The following CSF3R variants were observed in gnomAD, a reference collection of about 807,000 sequenced individuals.
CSF3R encodes granulocyte colony-stimulating factor receptor.
In CSF3R, 52 loss-of-function variants were observed where a neutral mutation model predicts 84.4. The observed-to-expected ratio is 0.62, with a 90% CI of 0.49 to 0.78. CSF3R has a LOEUF of 0.78. Among genes scored for constraint, CSF3R ranks in the 30% least tolerant of loss-of-function variants. The pLI is 0.00. For synonymous variants in CSF3R, 384 were observed against 429.1 expected (o/e 0.89, Z 1.30); for missense variants, 890 against 1,055.7 (o/e 0.84, Z 2.17).
At chr1:36,475,781 C>T in intron 3 of CSF3R, 108 bp from the exon 4 acceptor site, 1 of 1,131,358 alleles carries the variant, frequency 8.8e-7, no homozygotes, top group South Asian at 1.6e-5. Flanking sequence ...TCCTGTCTCA[C>T]CCTTCAAGAT....
chr1:36,468,202 C>A lies in CSF3R; in HGVS notation c.1596G>T (p.Glu532Asp). The A allele has an allele frequency of 6.3e-7, 1 of 1,598,608 alleles. No individual in the cohort carries two copies. Among genetic ancestry groups the A allele is most frequent in the South Asian group, 1.1e-5 (1 of 88,650 alleles). ...SQEMAPSHAP[E>D]LHLKHIGKTW... ...TCTTGCCAATGTGCTTTAGATGCAG[C>A]TCTGGGGCATGGGAGGGAGCTATGG... is the stretch of plus-strand genomic sequence containing the variant. The change falls in exon 13 of 17, where the codon GAG (glutamate) becomes GAT (aspartate). Residue 532 changes from glutamate to aspartate, a missense_variant. Glu to Asp is a conservative substitution (Grantham distance 45). Transcript: ENST00000373106.
chr1:36,472,761 C>T lies in CSF3R; in HGVS notation c.674-75G>A, dbSNP rs1557594097. 1.4e-6 allele frequency: 2 copies of T among 1,443,002 alleles called. No individual in the cohort carries two copies. The highest frequency in any genetic ancestry group is 1.8e-6 in the Non-Finnish European group (2 of 1,089,088). The allele number at this position is 1,443,002 out of a possible 1,614,324, so 89.4% of individuals were successfully genotyped here. A position where few individuals can be genotyped will look rare whatever the true frequency, so the allele number is the denominator to read the frequency against. ...CTCTGCCTTAGCTCCCTCTTGTCTCCCTGTCTGTGGTTCACCATCTGTCCA... is the reference window on the plus strand; with the variant it reads ...CTCTGCCTTAGCTCCCTCTTGTCTCTCTGTCTGTGGTTCACCATCTGTCCA... On this transcript the variant is annotated intron_variant, in intron 6 of 16. Transcript: ENST00000373106. The surrounding 1 kb of genome is among the most constrained non-coding windows in gnomAD (Gnocchi z 5.0).
At chr1:36,473,363 C>T in intron 6 of CSF3R, 72 bp downstream of exon 6, 2 of 1,552,792 alleles carry the variant, frequency 1.3e-6, no homozygotes, top group Non-Finnish European at 8.8e-7. Flanking sequence ...GTCGCTAGTT[C>T]TGTGTTTCCC....
chr1:36,470,052 G>A (rs1291784897), intron 10 of CSF3R, among the ~76,000 whole-genome samples: 1 of 152,162 alleles, frequency 6.6e-6, no homozygotes, highest in African/African-American at 2.4e-5. Flanking sequence ...ATGACTTGAT[G>A]CACGAAACAA....
chr1:36,472,485 C>T lies in CSF3R; in HGVS notation c.843+32G>A, dbSNP rs747559547. On this transcript the variant is annotated intron_variant, in intron 7 of 16. Coordinates refer to ENST00000373106, the MANE Select transcript of CSF3R (RefSeq NM_000760.4). This position sits in a 1 kb window ranked among gnomAD's most constrained non-coding sequence, Gnocchi z 5.0. ...CTTACCCTGCCCCCTGCCCCCACCA[C>T]CTCAGGCTCTCCAGGTTGCCCTCTG... The T allele has an allele frequency of 1.9e-6, 3 of 1,614,120 alleles. No homozygotes were observed. The highest frequency in any genetic ancestry group is 1.1e-5 in the South Asian group (1 of 91,078).
At position 36,471,648 on chromosome 1, in the gene CSF3R, T is replaced by C; in HGVS notation, c.1072-2A>G. 1 of 1,614,056 alleles carries C rather than the reference T, an allele frequency of 6.2e-7. No homozygotes were observed. Among genetic ancestry groups the C allele is most frequent in the East Asian group, 2.2e-5 (1 of 44,884 alleles). Reference sequence around the variant, plus strand: ...GCTGTCTTCCTCCAGGGGCACTGGCTGTGGGGCACAGGAGGAAAAAGAGAA... The same window carrying C: ...GCTGTCTTCCTCCAGGGGCACTGGCCGTGGGGCACAGGAGGAAAAAGAGAA... On this transcript the variant is annotated splice_acceptor_variant, in intron 9 of 16. Transcript: ENST00000373106. LOFTEE classifies it high-confidence loss of function.
At chr1:36,482,642 T>A (rs1342124489) in intron 1 of CSF3R, among the ~76,000 whole-genome samples, 169 bp downstream of exon 1, 1 of 152,076 alleles carries the variant, frequency 6.6e-6, no homozygotes, top group East Asian at 1.9e-4. Context: ...AGGGGCATCC[T>A]GTGAAAAGAG....
rs1214690555 is a variant in CSF3R, at chr1:36,472,705, T to A, written c.674-19A>T. 1 of 1,569,110 alleles carries A rather than the reference T, an allele frequency of 6.4e-7. No homozygotes were observed. The highest frequency in any genetic ancestry group is 1.8e-5 in the Admixed American group (1 of 54,994). On this transcript the variant is annotated intron_variant, in intron 6 of 16. Coordinates refer to ENST00000373106, the MANE Select transcript of CSF3R (RefSeq NM_000760.4). The surrounding 1 kb of genome is among the most constrained non-coding windows in gnomAD (Gnocchi z 5.0). Reference sequence around the variant, plus strand: ...AGTTTCACTGCAAGGAGTGGGGCTGTCAGAAGGTCTCCCTATCCCACCCTA... The same window carrying A: ...AGTTTCACTGCAAGGAGTGGGGCTGACAGAAGGTCTCCCTATCCCACCCTA...
Position 36,467,013 on chromosome 1 carries a change from A to G in CSF3R, c.2041-186T>C. On this transcript the variant is annotated intron_variant, in intron 16 of 16. Transcript: ENST00000373106. The surrounding 1 kb of genome is among the most constrained non-coding windows in gnomAD (Gnocchi z 4.1). ...GCCTGACACATGCCATGCACCGTTC[A>G]GACTCAGCATGGTCAGTTTTTCCAT... 1 of 1,445,640 alleles carries G rather than the reference A, an allele frequency of 6.9e-7. No homozygotes were observed. Among genetic ancestry groups the G allele is most frequent in the Non-Finnish European group, 9.5e-7 (1 of 1,049,900 alleles). 89.6% of individuals were successfully genotyped at this position (1,445,640 alleles called of 1,614,324 possible).
At chr1:36,478,548 A>C (rs1201928639) in intron 3 of CSF3R, among the ~76,000 whole-genome samples, 1 of 151,352 alleles carries the variant, frequency 6.6e-6, no homozygotes, top group Non-Finnish European at 1.5e-5. Flanking sequence ...AAAAACAAAA[A>C]CCAAAAAACA....
intron 2 of CSF3R, among the ~76,000 whole-genome samples, chr1:36,480,383 A>G (rs3917921): frequency 0.017 from 2,644 of 152,314 alleles, 105 homozygotes; most frequent in African/African-American, 0.061. Context: ...TGTGCCCCCA[A>G]TTTTGGGCAC....
chr1:36,471,769 C>G, intron 9 of CSF3R, 123 bp from the exon 10 acceptor site: 1 of 948,030 alleles, frequency 1.1e-6, no homozygotes, highest in South Asian at 1.5e-5. Flanking sequence ...CCAGGCTTCT[C>G]ACCCCCCTCC....
Position 36,472,256 on chromosome 1 carries a change from G to A in CSF3R, c.979C>T (p.Leu327=). 6.2e-7 allele frequency: 1 copy of A among 1,614,212 alleles called. No homozygotes were observed. Among genetic ancestry groups the A allele is most frequent in the South Asian group, 1.1e-5 (1 of 91,082 alleles). The change falls in exon 8 of 17, where the codon CTG becomes TTG. Residue 327 remains leucine, a synonymous_variant. Coordinates refer to ENST00000373106, the MANE Select transcript of CSF3R (RefSeq NM_000760.4). This position sits in a 1 kb window ranked among gnomAD's most constrained non-coding sequence, Gnocchi z 5.0. ...TCCTTACCCCGTTCGGTAGTTCTCA[G>A]CTCCAGGCTGGGGCTCCAGTCGCTC... ...HWSDWSPSLE[L]RTTERAPTVR...
At chr1:36,477,709 A>G (rs747153246) in intron 3 of CSF3R, 2 of 152,086 alleles carry the variant, frequency 1.3e-5, no homozygotes, top group African/African-American at 2.4e-5. Context: ...CCAGGGTCAC[A>G]GAGCAAGTTC....
rs781298017 is a variant in CSF3R at position 36,469,788 on chromosome 1, C to G, written c.1338G>C (p.Trp446Cys). 6.2e-7 allele frequency: 1 copy of G among 1,614,150 alleles called. No individual in the cohort carries two copies. The change falls in exon 11 of 17, where the codon TGG becomes TGC. Residue 446 changes from tryptophan (W) to cysteine (C), a missense_variant. Trp to Cys is a radical substitution (Grantham distance 215). Coordinates refer to ENST00000373106, the MANE Select transcript of CSF3R (RefSeq NM_000760.4). ...ATGGATTGGGGGGCTCCCAGCCTAC[C>G]CAGAGGCTGTGAGGGTCTCGGGCCA... Reference protein sequence around the residue: ...HAMARDPHSLWVGWEPPNPWP... With the variant: ...HAMARDPHSLCVGWEPPNPWP...
At chr1:36,473,072 T>G in intron 6 of CSF3R, 1 of 399,656 alleles carries the variant, frequency 2.5e-6, no homozygotes, top group Non-Finnish European at 4.5e-6. Flanking sequence ...CCTTTCTGCT[T>G]ATTGCTATCT....
chr1:36,470,176 T>C (rs1650620071), intron 10 of CSF3R, among the ~76,000 whole-genome samples: 1 of 152,182 alleles, frequency 6.6e-6, no homozygotes, highest in Non-Finnish European at 1.5e-5. Flanking sequence ...TATTTTACTT[T>C]ACTTTACCTT....
chr1:36,473,692 A>C (rs1348723976), intron 5 of CSF3R, 70 bp from the exon 6 acceptor site: 4 of 1,613,902 alleles, frequency 2.5e-6, no homozygotes, highest in Non-Finnish European at 2.5e-6. Context: ...TCCCAGAGGC[A>C]TGCCCAGCAT....
In CSF3R at chr1:36,466,263, G is replaced by T; in HGVS notation, c.*94C>A. The T allele has an allele frequency of 6.2e-7, 1 of 1,612,934 alleles. No individual in the cohort carries two copies. The highest frequency in any genetic ancestry group is 8.5e-7 in the Non-Finnish European group (1 of 1,179,564). ...GGAGATGGTGAGAGCCTGGGCTGGG[G>T]TAGTTTTTAGTCATGGGCTTATGGA... On this transcript the variant is annotated 3_prime_UTR_variant, in exon 17 of 17. Coordinates refer to ENST00000373106, the MANE Select transcript of CSF3R (RefSeq NM_000760.4). This position sits in a 1 kb window ranked among gnomAD's most constrained non-coding sequence, Gnocchi z 4.6.
Sources: gnomAD v4.1 joint callset for allele counts (sites outside exome capture counted in the v4.1 genomes callset) on GRCh38, gnomAD v4.1.1 for gene constraint, Gnocchi (gnomAD v3.1) non-coding constraint, MANE v1.5 for transcripts, NCBI Gene and HGNC (gene_info 2026-07-23, HGNC 2026-07-21) for gene names.